The following PTPRJ variants were observed in gnomAD, a reference collection of about 807,000 sequenced individuals.
PTPRJ encodes the protein receptor-type tyrosine-protein phosphatase eta.
PTPRJ carries 129 observed loss-of-function variants against 141.3 expected under a neutral mutation model. The ratio of observed to expected loss-of-function variants is 0.91; its 90% confidence interval spans 0.79 to 1.06. The LOEUF (loss-of-function observed/expected upper bound fraction) is 1.06. Among genes scored for constraint, PTPRJ ranks in the 50% least tolerant of loss-of-function variants. The pLI is 0.00. For synonymous variants in PTPRJ, 610 were observed against 640.5 expected (o/e 0.95, Z 0.72); for missense variants, 1,601 against 1,679.7 (o/e 0.95, Z 0.82).
chr11:48,058,016 A>G (rs1443495992), intron 1 of PTPRJ, among the ~76,000 whole-genome samples: 1 of 151,274 alleles, frequency 6.6e-6, no homozygotes, highest in Non-Finnish European at 1.5e-5. Context: ...GGTTCAAGTG[A>G]TTCTCCTGCC....
chr11:48,085,228 G>T (rs1311513723), intron 1 of PTPRJ, among the ~76,000 whole-genome samples: 2 of 148,000 alleles, frequency 1.4e-5, no homozygotes, highest in African/African-American at 4.9e-5. Context: ...AAAGAGATTT[G>T]CAAATATCTA....
chr11:48,113,050 T>G, intron 3 of PTPRJ, 67 bp downstream of exon 3: 1 of 1,344,772 alleles, frequency 7.4e-7, no homozygotes, highest in South Asian at 1.4e-5. Flanking sequence ...AAATGTCATG[T>G]TTTCCAAATA....
chr11:47,992,710 C>T (rs1854228228), intron 1 of PTPRJ, among the ~76,000 whole-genome samples: 1 of 151,982 alleles, frequency 6.6e-6, no homozygotes, highest in Non-Finnish European at 1.5e-5. Context: ...GTATTTGAAA[C>T]TGGGATGTAA....
At chr11:48,036,083 T>A (rs555536873) in intron 1 of PTPRJ, among the ~76,000 whole-genome samples, 1 of 152,336 alleles carries the variant, frequency 6.6e-6, no homozygotes, top group Admixed American at 6.5e-5. Context: ...ATTGAAGTCT[T>A]AGGGGAATGC....
At chr11:48,109,904 T>C (rs1177496796) in intron 1 of PTPRJ, among the ~76,000 whole-genome samples, 154 bp from the exon 2 acceptor site, 1 of 152,190 alleles carries the variant, frequency 6.6e-6, no homozygotes, top group Non-Finnish European at 1.5e-5. Flanking sequence ...GTGTTTAATG[T>C]CCCAAGACGG....
At chr11:48,100,838 C>T (rs887239296) in intron 1 of PTPRJ, among the ~76,000 whole-genome samples, 29 of 150,796 alleles carry the variant, frequency 1.9e-4, no homozygotes, top group Non-Finnish European at 7.4e-5. Flanking sequence ...GCCGAGATTG[C>T]GCCATTGCAC....
intron 1 of PTPRJ, among the ~76,000 whole-genome samples, chr11:48,049,124 G>GA (rs1854485133): frequency 6.6e-6 from 1 of 152,102 alleles, no homozygotes; most frequent in Non-Finnish European, 1.5e-5. Context: ...ACTGACGTTT[G>GA]GAGTCTGATG....
At chr11:48,161,864 C>G (rs775198731) in intron 22 of PTPRJ, among the ~76,000 whole-genome samples, 1 of 152,036 alleles carries the variant, frequency 6.6e-6, no homozygotes, top group Non-Finnish European at 1.5e-5. Context: ...TCCACCTGCT[C>G]GGCCTCCAAA....
chr11:48,026,894 T>G (rs2134219078), intron 1 of PTPRJ, among the ~76,000 whole-genome samples: 1 of 152,162 alleles, frequency 6.6e-6, no homozygotes, highest in Middle Eastern at 3.4e-3. Context: ...GTGTCATTCT[T>G]AATGCCTTTG....
chr11:48,081,644 G>A (rs1855561003), intron 1 of PTPRJ, among the ~76,000 whole-genome samples: 1 of 152,044 alleles, frequency 6.6e-6, no homozygotes, highest in South Asian at 2.1e-4. Flanking sequence ...GCCAGGCTGC[G>A]GCCAGGGCTG....
chr11:48,059,020 T>C (rs1014242481), intron 1 of PTPRJ, among the ~76,000 whole-genome samples: 4 of 151,826 alleles, frequency 2.6e-5, no homozygotes, highest in African/African-American at 4.8e-5. Context: ...TCCCCACTTC[T>C]TCCACCCTAC....
intron 4 of PTPRJ, 49 bp downstream of exon 4, chr11:48,121,315 G>A (rs746477041): frequency 4.4e-6 from 7 of 1,589,220 alleles, no homozygotes; most frequent in African/African-American, 2.7e-5. Flanking sequence ...TCTTATTATG[G>A]TGTATTCTAG....
chr11:48,063,357 CA>C (rs1289899758), intron 1 of PTPRJ, among the ~76,000 whole-genome samples: 2 of 152,056 alleles, frequency 1.3e-5, no homozygotes, highest in Non-Finnish European at 2.9e-5. Flanking sequence ...ACAACAAGAA[CA>C]AAAGAAAAAA....
At chr11:48,081,196 A>G (rs1855548814) in intron 1 of PTPRJ, among the ~76,000 whole-genome samples, 1 of 152,214 alleles carries the variant, frequency 6.6e-6, no homozygotes, top group African/African-American at 2.4e-5. Context: ...GGAACTAAGC[A>G]TTAAAAATAG....
rs371183341 is a variant in PTPRJ at position 48,034,377 on chromosome 11, A to G, written c.96+53369A>G. ...CTTAGAATTTAGGTCTCAGTTTTAC[A>G]TCATGGGATTCTGTTTTTCTTGGGT... is the stretch of plus-strand genomic sequence containing the variant. On this transcript the variant is annotated intron_variant, in intron 1 of 24. Transcript: ENST00000418331. 2.0e-5 allele frequency among the ~76,000 whole-genome samples: 3 copies of G among 152,104 alleles called. No individual in the cohort carries two copies. In the East Asian group the frequency reaches 5.8e-4, roughly 29 times the overall value.
At chr11:48,139,068 C>T (rs542821688) in intron 10 of PTPRJ, among the ~76,000 whole-genome samples, 6 of 151,898 alleles carry the variant, frequency 4.0e-5, no homozygotes, top group African/African-American at 7.3e-5. Context: ...GGGAGGTGGA[C>T]GTTGCGGTGA....
intron 1 of PTPRJ, among the ~76,000 whole-genome samples, chr11:48,089,548 C>T (rs1855812394): frequency 6.6e-6 from 1 of 150,762 alleles, no homozygotes; most frequent in East Asian, 1.9e-4. Flanking sequence ...AAAACCCACA[C>T]ACAACAAAAA....
At position 48,127,681 on chromosome 11, in the gene PTPRJ, C is replaced by G. The variant is rs970649644; in HGVS notation, c.1094-99C>G. 162 of 1,268,082 alleles carry G rather than the reference C, an allele frequency of 1.3e-4. No homozygotes were observed. The African/African-American group carries it at 2.2e-3, about 17-fold the overall frequency. The allele number at this position is 1,268,082 out of a possible 1,614,324, so 78.6% of individuals were successfully genotyped here. A position where few individuals can be genotyped will look rare whatever the true frequency, so the allele number is the denominator to read the frequency against. On this transcript the variant is annotated intron_variant, in intron 6 of 24. Coordinates refer to ENST00000418331, the MANE Select transcript of PTPRJ (RefSeq NM_002843.4). ...TGCAGAGGAGGAAGGAACACTCCCC[C>G]AGGAGAGTTTGCTGGGCTTGACAGC...
intron 1 of PTPRJ, among the ~76,000 whole-genome samples, chr11:48,055,679 A>T (rs541547380): frequency 6.6e-6 from 1 of 152,228 alleles, no homozygotes; most frequent in African/African-American, 2.4e-5. Context: ...CGAGGGTCCC[A>T]TTCCACCCTG....
Sources: allele counts gnomAD v4.1 joint callset (sites outside exome capture counted in the v4.1 genomes callset), GRCh38; gene constraint gnomAD v4.1.1; transcripts MANE v1.5; gene names NCBI Gene and HGNC (gene_info 2026-07-23, HGNC 2026-07-21).